Variants in DYNC2H1 observed in about 807,000 individuals in gnomAD.
DYNC2H1 encodes cytoplasmic dynein 2 heavy chain 1.
In DYNC2H1, 410 loss-of-function variants were observed where a neutral mutation model predicts 570.0. That is an observed-to-expected ratio of 0.72 (90% CI 0.66 to 0.78). DYNC2H1 has a LOEUF of 0.78. Among genes scored for constraint, DYNC2H1 ranks in the 30% least tolerant of loss-of-function variants. The pLI, the probability that DYNC2H1 is intolerant of heterozygous loss-of-function variation, is 0.00. For missense variants in DYNC2H1, 4,865 were observed against 5,046.4 expected, an observed-to-expected ratio of 0.96 and a Z score of 1.09; for synonymous variants, 1,688 against 1,677.6, an observed-to-expected ratio of 1.01 and a Z score of -0.15.
chr11:103,142,224 GC>G (rs1434730761), intron 17 of DYNC2H1, among the ~76,000 whole-genome samples: 1 of 152,214 alleles, frequency 6.6e-6, no homozygotes, highest in Non-Finnish European at 1.5e-5. Context: ...ACTGTCCTGT[GC>G]CCACTGTCTG....
At chr11:103,250,779 C>A (rs2135246526) in intron 65 of DYNC2H1, among the ~76,000 whole-genome samples, 1 of 151,732 alleles carries the variant, frequency 6.6e-6, no homozygotes, top group East Asian at 1.9e-4. Flanking sequence ...GTTTCAGTTT[C>A]TTTTTTCAAC....
chr11:103,134,197 T>C, intron 14 of DYNC2H1, 124 bp from the exon 15 acceptor site: 1 of 714,160 alleles, frequency 1.4e-6, no homozygotes, highest in South Asian at 2.0e-5. Flanking sequence ...AGTATTGATA[T>C]GTCTTGTATA....
chr11:103,245,147 T>C lies in DYNC2H1; in HGVS notation c.9919-104T>C. 1 of 987,838 alleles carries C rather than the reference T, an allele frequency of 1.0e-6. No individual in the cohort carries two copies. The highest frequency in any genetic ancestry group is 1.4e-6 in the Non-Finnish European group (1 of 694,510). 61.2% of individuals were successfully genotyped at this position (987,838 alleles called of 1,614,324 possible). On this transcript the variant is annotated intron_variant, in intron 64 of 88. Transcript: ENST00000375735. The surrounding 1 kb of genome is among the most constrained non-coding windows in gnomAD (Gnocchi z 4.5). ...TTATTACCTATAGAATCTGAAATTG[T>C]GTTTCTATAACATTTTGAAATTACT...
chr11:103,358,149 A>G, intron 82 of DYNC2H1, 94 bp from the exon 83 acceptor site: 1 of 666,412 alleles, frequency 1.5e-6, no homozygotes, highest in Non-Finnish European at 2.4e-6. Flanking sequence ...CTCTATTTTT[A>G]TAAAACAAAA....
At chr11:103,215,431 T>C (rs1241298654) in intron 54 of DYNC2H1, among the ~76,000 whole-genome samples, 1 of 152,218 alleles carries the variant, frequency 6.6e-6, no homozygotes, top group Non-Finnish European at 1.5e-5. Context: ...CTTTGTTCTG[T>C]TGATGTGATA....
chr11:103,260,188 T>G (rs1363826198), intron 70 of DYNC2H1, among the ~76,000 whole-genome samples: 1 of 152,188 alleles, frequency 6.6e-6, no homozygotes, highest in Non-Finnish European at 1.5e-5. Context: ...CAGCAAACAC[T>G]GCGTTAGCTG....
intron 84 of DYNC2H1, chr11:103,406,749 C>T (rs1414462761): frequency 1.3e-5 from 2 of 151,930 alleles, no homozygotes; most frequent in Non-Finnish European, 2.9e-5. Context: ...ATTAAGTCCT[C>T]CTCAACCACC....
At chr11:103,468,925 T>A (rs1348719348) in intron 88 of DYNC2H1, among the ~76,000 whole-genome samples, 1 of 152,234 alleles carries the variant, frequency 6.6e-6, no homozygotes, top group African/African-American at 2.4e-5. Flanking sequence ...TAACATAGTA[T>A]TAATTTCTGG....
At chr11:103,147,223 G>T (rs1340432256) in intron 18 of DYNC2H1, among the ~76,000 whole-genome samples, 1 of 151,914 alleles carries the variant, frequency 6.6e-6, no homozygotes, top group Non-Finnish European at 1.5e-5. Flanking sequence ...AACAGTTCTG[G>T]GAATTCTGTT....
intron 67 of DYNC2H1, 84 bp downstream of exon 67, chr11:103,255,618 G>GTCTAT: frequency 7.3e-7 from 1 of 1,370,352 alleles, no homozygotes; most frequent in Non-Finnish European, 9.7e-7. Flanking sequence ...AAAATTAATA[G>GTCTAT]TATCTTCAGA....
At chr11:103,238,922 CTTG>C (rs1349806454) in intron 63 of DYNC2H1, among the ~76,000 whole-genome samples, 10 of 152,156 alleles carry the variant, frequency 6.6e-5, no homozygotes, top group Non-Finnish European at 1.2e-4. Context: ...ATGGTTTGCA[CTTG>C]TTGTCCTGAT....
chr11:103,383,229 C>T (rs1591657445), intron 83 of DYNC2H1, among the ~76,000 whole-genome samples: 1 of 152,148 alleles, frequency 6.6e-6, no homozygotes, highest in East Asian at 1.9e-4. Flanking sequence ...GTTCCTTTTC[C>T]TCTATTCCTG....
At chr11:103,235,964 G>A (rs1864203620) in intron 62 of DYNC2H1, among the ~76,000 whole-genome samples, 151 bp downstream of exon 62, 2 of 151,822 alleles carry the variant, frequency 1.3e-5, no homozygotes, top group Non-Finnish European at 2.9e-5. Context: ...GGATACCCTA[G>A]CTACTTTAGA....
At chr11:103,389,738 C>T (rs1236557154) in intron 83 of DYNC2H1, among the ~76,000 whole-genome samples, 2 of 151,688 alleles carry the variant, frequency 1.3e-5, no homozygotes, top group African/African-American at 4.8e-5. Flanking sequence ...TTATTTCTGC[C>T]TTCATTTCGT....
Position 103,155,366 on chromosome 11 carries a change from G to A in DYNC2H1, c.3609G>A (p.Glu1203=), listed in dbSNP as rs946816719. 3.7e-6 allele frequency: 6 copies of A among 1,609,380 alleles called. 1 individual carries two copies. In the Middle Eastern group the frequency reaches 5.0e-4, roughly 133 times the overall value. The change falls in exon 25 of 89, where the codon GAG becomes GAA. Residue 1203 remains glutamate (E), a synonymous_variant. Transcript: ENST00000375735. ...CTATCTTGAAATATGTGAGAGGGGA[G>A]CATCTTTCTCCAGATCACTGGCTTG... The part of the protein sequence containing the change: ...VIPILKYVRG[E]HLSPDHWLDL...
intron 83 of DYNC2H1, among the ~76,000 whole-genome samples, chr11:103,394,749 A>G (rs997841182): frequency 2.6e-5 from 4 of 152,124 alleles, no homozygotes; most frequent in African/African-American, 9.7e-5. Context: ...AGTAATTGCG[A>G]TGTGGATACC....
chr11:103,199,374 G>A lies in DYNC2H1; in HGVS notation c.7986G>A (p.Arg2662=). ...LLAGRSGVGR[R]TITSLVSHMH... is the part of the protein sequence containing the mutation. ...CAGGACGCAGTGGTGTAGGTCGTCGGACCATCACTTCTTTAGTCAGTCACA... is the reference window on the plus strand; with the variant it reads ...CAGGACGCAGTGGTGTAGGTCGTCGAACCATCACTTCTTTAGTCAGTCACA... Residue 2662 remains arginine (R), a synonymous_variant, in exon 49 of 89, where the codon CGG becomes CGA. Transcript: ENST00000375735. This position sits in a 1 kb window ranked among gnomAD's most constrained non-coding sequence, Gnocchi z 4.6. 3 of 1,609,482 alleles carry A rather than the reference G, an allele frequency of 1.9e-6. No individual in the cohort carries two copies. The highest frequency in any genetic ancestry group is 2.5e-6 in the Non-Finnish European group (3 of 1,178,320).
At chr11:103,381,911 A>T (rs1941664619) in intron 83 of DYNC2H1, among the ~76,000 whole-genome samples, 1 of 152,236 alleles carries the variant, frequency 6.6e-6, no homozygotes, top group South Asian at 2.1e-4. Flanking sequence ...GTTCAAATAC[A>T]CATTTTAACA....
At position 103,135,759 on chromosome 11, in the gene DYNC2H1, C is replaced by G. The variant is rs780228819; in HGVS notation, c.2385C>G (p.Ile795Met). ...RLQFRPPFEE[I>M]RAKYYREMKR... Reference sequence around the variant, plus strand: ...AATTCAGGCCCCCTTTTGAAGAAATCCGGGCTAAATATTATAGAGAAATGA... The same window carrying G: ...AATTCAGGCCCCCTTTTGAAGAAATGCGGGCTAAATATTATAGAGAAATGA... The change falls in exon 17 of 89, where the codon ATC becomes ATG. Residue 795 changes from isoleucine to methionine, a missense_variant. Physicochemically the swap from Ile to Met is conservative, Grantham distance 10. Transcript: ENST00000375735. 8.1e-6 allele frequency: 13 copies of G among 1,610,728 alleles called. No individual in the cohort carries two copies. The highest frequency in any genetic ancestry group is 1.1e-5 in the Non-Finnish European group (13 of 1,178,316).
Sources: gnomAD v4.1 joint callset for allele counts (sites outside exome capture counted in the v4.1 genomes callset) on GRCh38, gnomAD v4.1.1 for gene constraint, Gnocchi (gnomAD v3.1) non-coding constraint, MANE v1.5 for transcripts, NCBI Gene and HGNC (gene_info 2026-07-23, HGNC 2026-07-21) for gene names.